WDR7: variants seen among roughly 807,000 people sequenced by gnomAD.
WDR7 encodes the protein WD repeat-containing protein 7.
A neutral mutation model predicts 169.4 loss-of-function variants in WDR7; 46 were observed. That is an observed-to-expected ratio of 0.27 (90% confidence interval 0.21 to 0.35). The LOEUF (loss-of-function observed/expected upper bound fraction) is 0.35, where lower values mean the gene tolerates loss of function less well. Among genes scored for constraint, WDR7 ranks in the 10% least tolerant of loss-of-function variants. WDR7 has a pLI of 1.00. For synonymous variants in WDR7, 612 were observed against 666.8 expected, an observed-to-expected ratio of 0.92 and a Z score of 1.27; for missense variants, 1,534 against 1,859.3, an observed-to-expected ratio of 0.83 and a Z score of 3.22.
chr18:56,867,708 A>G (rs2045901548), intron 20 of WDR7, among the ~76,000 whole-genome samples: 2 of 152,338 alleles, frequency 1.3e-5, no homozygotes, highest in African/African-American at 4.8e-5. Flanking sequence ...TTTCAGGAGT[A>G]GTAGCATTTC....
chr18:56,906,911 G>A (rs1244990926), intron 21 of WDR7, among the ~76,000 whole-genome samples: 1 of 152,222 alleles, frequency 6.6e-6, no homozygotes, highest in Non-Finnish European at 1.5e-5. Context: ...GGCACTGGCT[G>A]TCACACAGAA....
intron 20 of WDR7, among the ~76,000 whole-genome samples, chr18:56,879,608 T>A (rs1257084939): frequency 2.0e-5 from 3 of 152,170 alleles, no homozygotes; most frequent in African/African-American, 4.8e-5. Context: ...CTATGTAAAA[T>A]TTTTAAAAAA....
chr18:56,685,235 T>C (rs1459971407), intron 5 of WDR7, among the ~76,000 whole-genome samples: 1 of 152,256 alleles, frequency 6.6e-6, no homozygotes, highest in African/African-American at 2.4e-5. Flanking sequence ...TTAATTTTTA[T>C]AACAACCCAT....
chr18:56,979,737 T>C (rs2047614948), intron 26 of WDR7, among the ~76,000 whole-genome samples: 1 of 151,976 alleles, frequency 6.6e-6, no homozygotes, highest in African/African-American at 2.4e-5. Context: ...TACACACTAT[T>C]GAAGTAATAT....
At chr18:57,031,858 G>A (rs926230461), downstream of WDR7, 2 of 152,206 alleles carry the variant, frequency 1.3e-5, no homozygotes, top group African/African-American at 4.8e-5. Context: ...CACACAGGAA[G>A]CACTCAATAG....
At chr18:56,728,037 A>G (rs2026498918) in intron 13 of WDR7, among the ~76,000 whole-genome samples, 2 of 152,210 alleles carry the variant, frequency 1.3e-5, no homozygotes, top group African/African-American at 4.8e-5. Context: ...GTCGTTTTAT[A>G]AAATGTTTCC....
chr18:56,719,279 G>A (rs924100843), intron 13 of WDR7, among the ~76,000 whole-genome samples: 5 of 152,042 alleles, frequency 3.3e-5, no homozygotes, highest in Admixed American at 2.6e-4. Context: ...AAACAGAATT[G>A]CTGGCCGGGC....
chr18:57,022,174 G>T (rs1030037456), intron 27 of WDR7, among the ~76,000 whole-genome samples: 2 of 152,212 alleles, frequency 1.3e-5, no homozygotes, highest in African/African-American at 4.8e-5. Flanking sequence ...TAGGTGTCCA[G>T]AAACTGGGCT....
chr18:56,797,499 T>A (rs1290384984), intron 19 of WDR7, among the ~76,000 whole-genome samples: 1 of 151,794 alleles, frequency 6.6e-6, no homozygotes, highest in East Asian at 1.9e-4. Context: ...AATGGTATAT[T>A]TATATACCAT....
chr18:56,959,771 C>T (rs1435470844), intron 25 of WDR7, among the ~76,000 whole-genome samples: 1 of 152,200 alleles, frequency 6.6e-6, no homozygotes, highest in Non-Finnish European at 1.5e-5. Context: ...ATCCATTGAT[C>T]CCTTCAGGGC....
chr18:56,852,974 A>G (rs2045664782), intron 20 of WDR7, among the ~76,000 whole-genome samples: 1 of 152,212 alleles, frequency 6.6e-6, no homozygotes, highest in Admixed American at 6.5e-5. Flanking sequence ...CACACATGCA[A>G]ATAGATTTAG....
chr18:56,919,419 C>G (rs1036510379), intron 21 of WDR7, among the ~76,000 whole-genome samples: 2 of 152,138 alleles, frequency 1.3e-5, no homozygotes, highest in African/African-American at 4.8e-5. Flanking sequence ...ATTACAGGAA[C>G]CTTGGTATTG....
At chr18:56,661,631 G>C (rs1005882783) in intron 1 of WDR7, among the ~76,000 whole-genome samples, 1 of 152,150 alleles carries the variant, frequency 6.6e-6, no homozygotes, top group African/African-American at 2.4e-5. Context: ...CTCATTGAGA[G>C]TACAGTATAT....
At chr18:56,789,449 A>G (rs763588166) in intron 19 of WDR7, among the ~76,000 whole-genome samples, 1 of 152,222 alleles carries the variant, frequency 6.6e-6, no homozygotes, top group Non-Finnish European at 1.5e-5. Flanking sequence ...CGGTCCTCTA[A>G]CAATGGAGCC....
At chr18:56,918,104 T>A (rs757015072) in intron 21 of WDR7, among the ~76,000 whole-genome samples, 7 of 152,214 alleles carry the variant, frequency 4.6e-5, no homozygotes, top group Non-Finnish European at 1.0e-4. Context: ...CGGTAGTTTA[T>A]TTGTACATTT....
rs757155785 is a variant in WDR7, at chr18:57,027,617, C to T, written c.*410C>T. On this transcript the variant is annotated 3_prime_UTR_variant, in exon 28 of 28. Transcript: ENST00000254442. ...CTCTGAAGTGCTGCTTGAATCTGGCCGTTCTGACACTGGGTGTTGAGGTCA... is the reference window on the plus strand; with the variant it reads ...CTCTGAAGTGCTGCTTGAATCTGGCTGTTCTGACACTGGGTGTTGAGGTCA... 8 of 194,220 alleles carry T rather than the reference C, an allele frequency of 4.1e-5. No homozygotes were observed. The allele number at this position is 194,220 out of a possible 1,614,324, so 12.0% of individuals were successfully genotyped here. A position where few individuals can be genotyped will look rare whatever the true frequency, so the allele number is the denominator to read the frequency against.
At chr18:56,889,381 T>A (rs1453776346) in intron 21 of WDR7, among the ~76,000 whole-genome samples, 2 of 152,232 alleles carry the variant, frequency 1.3e-5, no homozygotes, top group Non-Finnish European at 2.9e-5. Flanking sequence ...ATATGAGGCA[T>A]GTTAATAATA....
At chr18:56,796,096 C>T (rs1001334284) in intron 19 of WDR7, among the ~76,000 whole-genome samples, 3 of 152,036 alleles carry the variant, frequency 2.0e-5, no homozygotes, top group African/African-American at 7.2e-5. Context: ...TATTTATAAC[C>T]GAAATCATAG....
chr18:56,864,931 G>A (rs955838611), intron 20 of WDR7, among the ~76,000 whole-genome samples: 3 of 151,890 alleles, frequency 2.0e-5, no homozygotes, highest in African/African-American at 7.2e-5. Flanking sequence ...AGATTAACCA[G>A]GAAAGAGTTG....
Sources: allele counts gnomAD v4.1 joint callset (sites outside exome capture counted in the v4.1 genomes callset), GRCh38; gene constraint gnomAD v4.1.1; transcripts MANE v1.5; gene names NCBI Gene and HGNC (gene_info 2026-07-23, HGNC 2026-07-21).